The following CSNK1D variants were observed in gnomAD, a reference collection of about 807,000 sequenced individuals.
CSNK1D encodes the protein casein kinase 1 delta, also known as casein kinase I isoform delta.
A neutral mutation model predicts 46.6 loss-of-function variants in CSNK1D; 16 were observed. That is an observed-to-expected ratio of 0.34 (90% CI 0.23 to 0.52). The LOEUF (loss-of-function observed/expected upper bound fraction) is 0.52, where lower values mean the gene tolerates loss of function less well. Ranked by LOEUF, CSNK1D falls within the 20% of genes least tolerant of loss-of-function variation. The pLI is 0.95. For missense variants in CSNK1D, 398 were observed against 578.4 expected (o/e 0.69, Z 3.20); for synonymous variants, 276 against 228.2 (o/e 1.21, Z -1.89).
chr17:82,273,318 C>G lies in CSNK1D; in HGVS notation c.64G>C (p.Asp22His). Residue 22 changes from aspartate (D) to histidine (H), a missense_variant, in exon 1 of 9, where the codon GAC (aspartate) becomes CAC (histidine). By Grantham distance (81) the Asp-to-His change is moderately conservative. Coordinates refer to ENST00000314028, the MANE Select transcript of CSNK1D (RefSeq NM_001893.6). The surrounding 1 kb of genome is among the most constrained non-coding windows in gnomAD (Gnocchi z 5.1). Reference sequence around the variant, plus strand: ...GGCGGGGCCTCACCGAGATAGATGTCTCCGAAGGAGCCGCTGCCGATCTTC... The same window carrying G: ...GGCGGGGCCTCACCGAGATAGATGTGTCCGAAGGAGCCGCTGCCGATCTTC... Reference protein sequence around the residue: ...GRKIGSGSFGDIYLGTDIAAG... With the variant: ...GRKIGSGSFGHIYLGTDIAAG... 1.2e-6 allele frequency: 2 copies of G among 1,609,216 alleles called. No individual in the cohort carries two copies. Among genetic ancestry groups the G allele is most frequent in the Non-Finnish European group, 1.7e-6 (2 of 1,179,010 alleles).
Position 82,253,086 on chromosome 17 carries a change from G to C in CSNK1D, c.495C>G (p.Ile165Met). 6.2e-7 allele frequency: 1 copy of C among 1,614,246 alleles called. No individual in the cohort carries two copies. The highest frequency in any genetic ancestry group is 8.5e-7 in the Non-Finnish European group (1 of 1,180,040). The change falls in exon 4 of 9, where the codon ATC becomes ATG. Residue 165 changes from isoleucine (I) to methionine (M), a missense_variant. This residue lies in a region of CSNK1D where 217 missense variants were observed against 370.3 expected (regional missense o/e 0.59). Coordinates refer to ENST00000314028, the MANE Select transcript of CSNK1D (RefSeq NM_001893.6). ...TGAGGTTCTTGTTCTCACGATAGGG[G>C]ATGTGCTGGTGGGTGCGTGCATCCC... ...KYRDARTHQH[I>M]PYRENKNLTG... is the part of the protein sequence containing the mutation.
intron 3 of CSNK1D, chr17:82,254,437 A>G (rs1161466439): frequency 8.4e-6 from 2 of 239,358 alleles, no homozygotes; most frequent in Non-Finnish European, 1.5e-5. Flanking sequence ...AGCCTCGAGA[A>G]GCCAGTCAGC....
In CSNK1D at chr17:82,251,681, A is replaced by C; in HGVS notation, c.737-154T>G. 1 of 842,768 alleles carries C rather than the reference A, an allele frequency of 1.2e-6. No individual in the cohort carries two copies. Among genetic ancestry groups the C allele is most frequent in the Non-Finnish European group, 2.0e-6 (1 of 511,654 alleles). The allele number at this position is 842,768 out of a possible 1,614,324, so 52.2% of individuals were successfully genotyped here. On this transcript the variant is annotated intron_variant, in intron 5 of 8. Transcript: ENST00000314028. This position sits in a 1 kb window ranked among gnomAD's most constrained non-coding sequence, Gnocchi z 4.5. ...CAGATTTCTAAGACCTGAAGCCTTGAGAAAGCATCGAAAAGTATTCAAGTC... is the reference window on the plus strand; with the variant it reads ...CAGATTTCTAAGACCTGAAGCCTTGCGAAAGCATCGAAAAGTATTCAAGTC...
At chr17:82,263,493 A>G (rs1347106042) in intron 2 of CSNK1D, among the ~76,000 whole-genome samples, 4 of 152,216 alleles carry the variant, frequency 2.6e-5, no homozygotes, top group Admixed American at 6.5e-5. Context: ...TTTGAGTATC[A>G]CAACTAGGGG....
At chr17:82,265,929 A>T (rs2051457165) in intron 1 of CSNK1D, 133 bp from the exon 2 acceptor site, 1 of 794,190 alleles carries the variant, frequency 1.3e-6, no homozygotes, top group South Asian at 1.4e-5. Context: ...TTCCTAGCAT[A>T]GTAAGGCGGG....
chr17:82,258,183 G>C (rs1363959773), intron 2 of CSNK1D, among the ~76,000 whole-genome samples: 1 of 148,588 alleles, frequency 6.7e-6, no homozygotes, highest in African/African-American at 2.5e-5. Flanking sequence ...CTCCAGCCTG[G>C]GTGACAGAAT....
chr17:82,252,819 C>T lies in CSNK1D; in HGVS notation c.565+197G>A, dbSNP rs1487115388. ...TGCATACTAAGGAAATTCCCAAACACATCACAGGTGACTCAGAAATGTCCC... is the reference window on the plus strand; with the variant it reads ...TGCATACTAAGGAAATTCCCAAACATATCACAGGTGACTCAGAAATGTCCC... On this transcript the variant is annotated intron_variant, in intron 4 of 8. Transcript: ENST00000314028. This position sits in a 1 kb window ranked among gnomAD's most constrained non-coding sequence, Gnocchi z 4.6. Among the ~76,000 whole-genome samples the T allele has an allele frequency of 1.3e-5, 2 of 152,224 alleles. No homozygotes were observed. Among genetic ancestry groups the T allele is most frequent in the Admixed American group, 6.5e-5 (1 of 15,282 alleles).
chr17:82,245,401 C>T (rs971854483), intron 8 of CSNK1D: 8 of 217,392 alleles, frequency 3.7e-5, no homozygotes, highest in African/African-American at 1.2e-4. Flanking sequence ...GACGAAGCTG[C>T]GTGGACAAGA....
chr17:82,259,562 C>T (rs936253950), intron 2 of CSNK1D, among the ~76,000 whole-genome samples: 35 of 152,318 alleles, frequency 2.3e-4, no homozygotes, highest in East Asian at 1.2e-3. Flanking sequence ...GACATTTGCA[C>T]GTACCAAGCA....
At chr17:82,261,569 A>C (rs1203150771) in intron 2 of CSNK1D, among the ~76,000 whole-genome samples, 1 of 152,126 alleles carries the variant, frequency 6.6e-6, no homozygotes, top group Admixed American at 6.5e-5. Context: ...TATAACTAAA[A>C]TGTTTCTAGA....
intron 2 of CSNK1D, among the ~76,000 whole-genome samples, chr17:82,259,513 G>A (rs570778942): frequency 5.3e-5 from 8 of 152,204 alleles, no homozygotes; most frequent in Admixed American, 1.3e-4. Context: ...AAATCGATAT[G>A]TATCAATATG....
In CSNK1D at chr17:82,255,542, C is replaced by T; in HGVS notation, c.223G>A (p.Gly75Arg). The part of the protein sequence containing the change: ...IPTIRWCGAE[G>R]DYNVMVMELL... ...TCCATCACCATGACGTTGTAGTCCCCCTCTGCCCCGCACCATCTGATGGTG... is the reference window on the plus strand; with the variant it reads ...TCCATCACCATGACGTTGTAGTCCCTCTCTGCCCCGCACCATCTGATGGTG... The change falls in exon 3 of 9, where the codon GGG becomes AGG. Residue 75 changes from glycine (G) to arginine (R), a missense_variant. By Grantham distance (125) the Gly-to-Arg change is moderately radical. Coordinates refer to ENST00000314028, the MANE Select transcript of CSNK1D (RefSeq NM_001893.6). This position sits in a 1 kb window ranked among gnomAD's most constrained non-coding sequence, Gnocchi z 5.9. 6.2e-7 allele frequency: 1 copy of T among 1,614,136 alleles called. No individual in the cohort carries two copies. The highest frequency in any genetic ancestry group is 8.5e-7 in the Non-Finnish European group (1 of 1,180,028).
chr17:82,240,833 G>C (rs925512955), downstream of CSNK1D, among the ~76,000 whole-genome samples: 3 of 152,172 alleles, frequency 2.0e-5, no homozygotes, highest in African/African-American at 7.2e-5. Context: ...CAGGGTGGGC[G>C]TGAGTGGGCG....
Position 82,265,653 on chromosome 17 carries a change from C to T in CSNK1D, c.187+33G>A, listed in dbSNP as rs774644712. The T allele has an allele frequency of 6.6e-6, 10 of 1,507,418 alleles. No homozygotes were observed. The Admixed American group carries it at 1.2e-4, about 18-fold the overall frequency. The allele number at this position is 1,507,418 out of a possible 1,614,324, so 93.4% of individuals were successfully genotyped here. On this transcript the variant is annotated intron_variant, in intron 2 of 8. Transcript: ENST00000314028. The stretch of plus-strand genomic sequence containing the variant: ...GCTGTTCTCCCTTGTCAAACAGAAC[C>T]CTGGTGTTGCTCTGTGACTGGTAAA...
intron 2 of CSNK1D, among the ~76,000 whole-genome samples, chr17:82,258,358 T>A (rs976925502): frequency 6.6e-6 from 1 of 151,280 alleles, no homozygotes. Flanking sequence ...ATTATATATA[T>A]GCAAATACAC....
At position 82,273,223 on chromosome 17, in the gene CSNK1D, C is replaced by T; in HGVS notation, c.76+83G>A. On this transcript the variant is annotated intron_variant, in intron 1 of 8. Transcript: ENST00000314028. This position sits in a 1 kb window ranked among gnomAD's most constrained non-coding sequence, Gnocchi z 5.1. ...TGCGCGGAGACCCCGCGGGGGCCACCACTTCCTTCCGCGATCGCGCTTGGT... is the reference window on the plus strand; with the variant it reads ...TGCGCGGAGACCCCGCGGGGGCCACTACTTCCTTCCGCGATCGCGCTTGGT... 1 of 1,391,032 alleles carries T rather than the reference C, an allele frequency of 7.2e-7. No individual in the cohort carries two copies. The highest frequency in any genetic ancestry group is 9.9e-7 in the Non-Finnish European group (1 of 1,013,636). 86.2% of individuals were successfully genotyped at this position (1,391,032 alleles called of 1,614,324 possible).
In CSNK1D at chr17:82,251,183, C is replaced by T. The variant is rs567311927; in HGVS notation, c.885+196G>A. ...TGGACCCCTCTGCGTTCCCTAATGG[C>T]GTCTTACTTCTTGGCACCCCTTTCT... On this transcript the variant is annotated intron_variant, in intron 6 of 8. Coordinates refer to ENST00000314028, the MANE Select transcript of CSNK1D (RefSeq NM_001893.6). The surrounding 1 kb of genome is among the most constrained non-coding windows in gnomAD (Gnocchi z 4.5). 1.8e-4 allele frequency: 114 copies of T among 625,556 alleles called. 4 individuals carry two copies. The South Asian group carries it at 1.9e-3, about 11-fold the overall frequency. The allele number at this position is 625,556 out of a possible 1,614,324, so 38.8% of individuals were successfully genotyped here.
chr17:82,249,671 G>A lies in CSNK1D; in HGVS notation c.886-69C>T. On this transcript the variant is annotated intron_variant, in intron 6 of 8. Coordinates refer to ENST00000314028, the MANE Select transcript of CSNK1D (RefSeq NM_001893.6). This position sits in a 1 kb window ranked among gnomAD's most constrained non-coding sequence, Gnocchi z 6.7. ...AGAAAGCAACCCTAGGTCCTAGGCT[G>A]CCCCGGCCACGTGAGAAAATACCTA... The A allele has an allele frequency of 1.3e-6, 2 of 1,535,748 alleles. No individual in the cohort carries two copies. The highest frequency in any genetic ancestry group is 1.4e-5 in the African/African-American group (1 of 73,308).
intron 8 of CSNK1D, chr17:82,246,708 C>T: frequency 3.0e-6 from 3 of 993,516 alleles, no homozygotes; most frequent in Non-Finnish European, 3.6e-6. Context: ...CACCCATCCA[C>T]ACCCAGCCAC....
Sources: gnomAD v4.1 joint callset for allele counts (sites outside exome capture counted in the v4.1 genomes callset) on GRCh38, gnomAD v4.1.1 for gene constraint, gnomAD v4.1.1 regional missense constraint, Gnocchi (gnomAD v3.1) non-coding constraint, MANE v1.5 for transcripts, NCBI Gene and HGNC (gene_info 2026-07-23, HGNC 2026-07-21) for gene names.